CRIM1: variants seen among roughly 807,000 people sequenced by gnomAD.
CRIM1 encodes the protein cysteine-rich motor neuron 1 protein.
In CRIM1, 32 loss-of-function variants were observed where a neutral mutation model predicts 116.4. That is an observed-to-expected ratio of 0.27 (90% CI 0.21 to 0.37). The LOEUF (loss-of-function observed/expected upper bound fraction) is 0.37. CRIM1 is among the 10% of genes least tolerant of loss of function. The pLI is 1.00. For synonymous variants in CRIM1, 590 were observed against 509.2 expected, an observed-to-expected ratio of 1.16 and a Z score of -2.13; for missense variants, 1,331 against 1,354.8, an observed-to-expected ratio of 0.98 and a Z score of 0.28.
intron 1 of CRIM1, 50 bp from the exon 2 acceptor site, chr2:36,396,564 T>C (rs893985043): frequency 2.2e-6 from 3 of 1,355,760 alleles, no homozygotes; most frequent in African/African-American, 1.4e-5. Flanking sequence ...CGAACAGGCC[T>C]TTGAATGAAG....
rs1261460703 is a variant in CRIM1 at position 36,549,987 on chromosome 2, A to G, written c.*1286A>G. ...CACTTACAAATTTTTTGAATAACAC[A>G]AAATCTCATTCTACCTGCAGTTTAA... On this transcript the variant is annotated 3_prime_UTR_variant, in exon 17 of 17. Coordinates refer to ENST00000280527, the MANE Select transcript of CRIM1 (RefSeq NM_016441.3). 4 of 152,508 alleles carry G rather than the reference A, an allele frequency of 2.6e-5. No individual in the cohort carries two copies. Among genetic ancestry groups the G allele is most frequent in the African/African-American group, 4.8e-5 (2 of 41,408 alleles). The allele number at this position is 152,508 out of a possible 1,614,324, so 9.4% of individuals were successfully genotyped here.
intron 1 of CRIM1, among the ~76,000 whole-genome samples, chr2:36,384,850 G>A (rs569706486): frequency 4.6e-5 from 7 of 152,122 alleles, no homozygotes; most frequent in Non-Finnish European, 1.0e-4. Flanking sequence ...TAGCACTACT[G>A]TCCACCTAAA....
chr2:36,427,388 T>G (rs968890189), intron 2 of CRIM1, among the ~76,000 whole-genome samples: 2 of 152,070 alleles, frequency 1.3e-5, no homozygotes, highest in African/African-American at 4.8e-5. Flanking sequence ...TTCAGGTAAT[T>G]AACTTCCCCT....
chr2:36,410,714 G>T (rs1177736117), intron 2 of CRIM1, among the ~76,000 whole-genome samples: 1 of 151,372 alleles, frequency 6.6e-6, no homozygotes, highest in African/African-American at 2.4e-5. Flanking sequence ...ATTAAATATT[G>T]TTATTTACTC....
At chr2:36,506,301 C>T (rs1681416760) in intron 8 of CRIM1, among the ~76,000 whole-genome samples, 1 of 152,006 alleles carries the variant, frequency 6.6e-6, no homozygotes. Flanking sequence ...ACCCACACAG[C>T]ATGAGAGAAC....
intron 2 of CRIM1, among the ~76,000 whole-genome samples, chr2:36,417,724 C>T (rs545105904): frequency 3.3e-5 from 5 of 152,254 alleles, no homozygotes; most frequent in Middle Eastern, 3.4e-3. Context: ...AAATAAGGTA[C>T]GGCCCGAACT....
At chr2:36,540,034 G>C (rs1451627058) in intron 14 of CRIM1, among the ~76,000 whole-genome samples, 1 of 152,096 alleles carries the variant, frequency 6.6e-6, no homozygotes, top group African/African-American at 2.4e-5. Flanking sequence ...AGACTGAGCA[G>C]GTGCAGAGGG....
intron 2 of CRIM1, among the ~76,000 whole-genome samples, chr2:36,422,217 C>T (rs946726472): frequency 2.0e-5 from 3 of 150,302 alleles, no homozygotes; most frequent in Non-Finnish European, 4.4e-5. Context: ...CTCTATTTTG[C>T]GGTTTTATCT....
At chr2:36,396,097 A>G (rs957578540) in intron 1 of CRIM1, among the ~76,000 whole-genome samples, 2 of 152,086 alleles carry the variant, frequency 1.3e-5, no homozygotes, top group Non-Finnish European at 2.9e-5. Flanking sequence ...TTTTGTAGAG[A>G]CTGGGTCTCA....
At chr2:36,359,302 A>G (rs1346032746) in intron 1 of CRIM1, among the ~76,000 whole-genome samples, 1 of 152,242 alleles carries the variant, frequency 6.6e-6, no homozygotes, top group Non-Finnish European at 1.5e-5. Context: ...TTATAGAAAT[A>G]TTATCATGAC....
intron 6 of CRIM1, among the ~76,000 whole-genome samples, chr2:36,479,063 A>C (rs570567874): frequency 6.6e-6 from 1 of 152,216 alleles, no homozygotes; most frequent in Admixed American, 6.5e-5. Flanking sequence ...AGAAGTAACA[A>C]TATCACTCTG....
At chr2:36,541,867 G>A (rs995101536) in intron 14 of CRIM1, among the ~76,000 whole-genome samples, 20 of 152,164 alleles carry the variant, frequency 1.3e-4, no homozygotes, top group African/African-American at 9.7e-5. Context: ...GGTTGAAGGC[G>A]GTCTTTGGCC....
chr2:36,531,240 C>CACCA, intron 13 of CRIM1, among the ~76,000 whole-genome samples: 1 of 152,316 alleles, frequency 6.6e-6, no homozygotes, highest in Non-Finnish European at 1.5e-5. Context: ...ACTTCATGAC[C>CACCA]ACCAGATTTA....
At chr2:36,496,399 A>T (rs572245079) in intron 7 of CRIM1, among the ~76,000 whole-genome samples, 3 of 152,244 alleles carry the variant, frequency 2.0e-5, no homozygotes, top group African/African-American at 7.2e-5. Flanking sequence ...TTTAATGTTA[A>T]ATATTGAGGG....
At chr2:36,516,600 G>A (rs569786410) in intron 11 of CRIM1, among the ~76,000 whole-genome samples, 2 of 152,244 alleles carry the variant, frequency 1.3e-5, no homozygotes, top group African/African-American at 4.8e-5. Context: ...ATATTGCCAA[G>A]CACATGTTTA....
intron 7 of CRIM1, among the ~76,000 whole-genome samples, chr2:36,496,936 A>C (rs773002021): frequency 1.9e-4 from 29 of 152,214 alleles, no homozygotes; most frequent in Non-Finnish European, 3.5e-4. Flanking sequence ...ATTGAGAGCA[A>C]ATATCATTTA....
intron 14 of CRIM1, among the ~76,000 whole-genome samples, chr2:36,539,244 A>G (rs1666771136): frequency 1.3e-5 from 2 of 152,200 alleles, no homozygotes; most frequent in African/African-American, 4.8e-5. Context: ...CCAGAATTGC[A>G]GTTCTCATGG....
At chr2:36,414,221 C>A (rs1372696320) in intron 2 of CRIM1, among the ~76,000 whole-genome samples, 1 of 152,166 alleles carries the variant, frequency 6.6e-6, no homozygotes, top group Non-Finnish European at 1.5e-5. Flanking sequence ...TATTAGGAAG[C>A]AGTGCTGTTA....
chr2:36,396,528 T>C, intron 1 of CRIM1, 86 bp from the exon 2 acceptor site: 1 of 790,068 alleles, frequency 1.3e-6, no homozygotes, highest in Non-Finnish European at 2.0e-6. Flanking sequence ...AATGTTAATC[T>C]TGACATCCCA....
Sources: allele counts gnomAD v4.1 joint callset (sites outside exome capture counted in the v4.1 genomes callset), GRCh38; gene constraint gnomAD v4.1.1; transcripts MANE v1.5; gene names NCBI Gene and HGNC (gene_info 2026-07-23, HGNC 2026-07-21).